Variants in TBC1D10A observed in about 807,000 individuals in gnomAD.
TBC1D10A encodes EBP50-PDX interactor of 64 kDa.
A neutral mutation model predicts 52.9 loss-of-function variants in TBC1D10A; 24 were observed. The ratio of observed to expected loss-of-function variants is 0.45; its 90% CI spans 0.33 to 0.64. TBC1D10A has a LOEUF of 0.64. Among genes scored for constraint, TBC1D10A ranks in the 30% least tolerant of loss-of-function variants. The probability of loss-of-function intolerance (pLI) is 0.02; values close to 1 mark genes in which losing one functional copy is unlikely to be tolerated. For synonymous variants in TBC1D10A, 278 were observed against 282.9 expected (o/e 0.98, Z 0.17); for missense variants, 602 against 687.9 (o/e 0.88, Z 1.40).
chr22:30,307,505 C>G (rs1930332753), intron 1 of TBC1D10A, among the ~76,000 whole-genome samples: 1 of 152,168 alleles, frequency 6.6e-6, no homozygotes, highest in Non-Finnish European at 1.5e-5. Flanking sequence ...ACCGTAATCT[C>G]AACACCGCTT....
rs1430920653 is a variant in TBC1D10A at position 30,299,570 on chromosome 22, G to A, written c.310-19C>T. On this transcript the variant is annotated intron_variant, in intron 2 of 8. Transcript: ENST00000215790. Reference sequence around the variant, plus strand: ...GACGAATCTGAAAATCAAAAGGACAGCTGAGCCCATGCAGCCACCCAGGCA... The same window carrying A: ...GACGAATCTGAAAATCAAAAGGACAACTGAGCCCATGCAGCCACCCAGGCA... The A allele has an allele frequency of 6.2e-7, 1 of 1,612,562 alleles. No homozygotes were observed. Among genetic ancestry groups the A allele is most frequent in the African/African-American group, 1.3e-5 (1 of 74,910 alleles).
In TBC1D10A at chr22:30,295,047, T is replaced by C. The variant is rs747230256; in HGVS notation, c.533A>G (p.Asp178Gly). 1 of 1,613,818 alleles carries C rather than the reference T, an allele frequency of 6.2e-7. No homozygotes were observed. The highest frequency in any genetic ancestry group is 1.1e-5 in the South Asian group (1 of 91,068). ...FVSRGGHGQQ[D>G]LFRVLKAYTL... Reference sequence around the variant, plus strand: ...GTAGGCCTTCAGCACACGGAATAGGTCCTGCTGGCTGTGGAGAGGCCGGGC... The same window carrying C: ...GTAGGCCTTCAGCACACGGAATAGGCCCTGCTGGCTGTGGAGAGGCCGGGC... The change falls in exon 5 of 9, where the codon GAC becomes GGC. Residue 178 changes from aspartate (D) to glycine (G), a missense_variant. By Grantham distance (94) the Asp-to-Gly change is moderately conservative (BLOSUM62 -1). This residue lies in a region of TBC1D10A where 136 missense variants were observed against 208.4 expected (regional missense o/e 0.65). Coordinates refer to ENST00000215790, the MANE Select transcript of TBC1D10A (RefSeq NM_031937.3).
intron 1 of TBC1D10A, among the ~76,000 whole-genome samples, chr22:30,309,978 T>TCA (rs1017620434): frequency 2.6e-5 from 4 of 152,118 alleles, no homozygotes; most frequent in Non-Finnish European, 4.4e-5. Context: ...CCTCCAAGCC[T>TCA]CACTCCCTGA....
Position 30,303,338 on chromosome 22 carries a change from C to CAGAT in TBC1D10A, c.309+1189_309+1192dup, listed in dbSNP as rs564025493. Among the ~76,000 whole-genome samples, 121 of 149,746 alleles carry CAGAT rather than the reference C, an allele frequency of 8.1e-4. 1 individual carries two copies. In the East Asian group the frequency reaches 0.015, roughly 19 times the overall value. ...ACAGACAGACAGACAGACAGACAGA[C>CAGAT]AGATAGATAGACAGATAGCTATAGA... On this transcript the variant is annotated intron_variant, in intron 2 of 8. Coordinates refer to ENST00000215790, the MANE Select transcript of TBC1D10A (RefSeq NM_031937.3).
Position 30,292,489 on chromosome 22 carries a change from CG to C in TBC1D10A, c.1412del (p.Pro471ArgfsTer28). On this transcript the variant is annotated frameshift_variant, in exon 9 of 9. Coordinates refer to ENST00000215790, the MANE Select transcript of TBC1D10A (RefSeq NM_031937.3). LOFTEE classifies it high-confidence loss of function. Reference protein sequence around the residue: ...GDACPPQHVPPKDSAPKDSAP... With the variant: ...GDACPPQHVPXKDSAPKDSAP... Reference sequence around the variant, plus strand: ...CTGAGTCCTTGGGGGCTGAGTCCTTCGGGGGCACATGCTGTGGGGGACATGC... The same window carrying C: ...CTGAGTCCTTGGGGGCTGAGTCCTTCGGGGCACATGCTGTGGGGGACATGC... 6.2e-7 allele frequency: 1 copy of C among 1,607,484 alleles called. No homozygotes were observed.
In TBC1D10A at chr22:30,293,903, C is replaced by G. The variant is rs141575157; in HGVS notation, c.895+18G>C. ...GCTGCTGGGGACAGGGGTGCTCCCC[C>G]CAAGCCCAGCCCAGTACCTTCACAG... On this transcript the variant is annotated intron_variant, in intron 7 of 8. Transcript: ENST00000215790. The G allele has an allele frequency of 5.9e-4, 946 of 1,608,032 alleles. 3 individuals carry two copies. In the African/African-American group the frequency reaches 9.8e-3, roughly 17 times the overall value.
rs530246728 is a variant in TBC1D10A, at chr22:30,295,819, G to A, written c.442C>T (p.Pro148Ser). ...FDELDMSPGD[P>S]KWLDVIERDL... is the part of the protein sequence containing the mutation. ...CGCTCAATCACGTCCAGCCACTTGG[G>A]GTCCCCAGGGGACATGTCCAGCTCC... The change falls in exon 4 of 9, where the codon CCC becomes TCC. Residue 148 changes from proline to serine, a missense_variant. Around this residue, in one of 3 missense-constraint regions of TBC1D10A, gnomAD observed 201 missense variants for 204.4 expected, o/e 0.98. Transcript: ENST00000215790. 4.0e-5 allele frequency: 65 copies of A among 1,613,712 alleles called. No individual in the cohort carries two copies. The highest frequency in any genetic ancestry group is 4.9e-5 in the Non-Finnish European group (58 of 1,179,972).
Position 30,292,172 on chromosome 22 carries a change from G to A in TBC1D10A, c.*203C>T, listed in dbSNP as rs2145758790. The A allele has an allele frequency of 2.0e-6, 1 of 512,414 alleles. No individual in the cohort carries two copies. Among genetic ancestry groups the A allele is most frequent in the East Asian group, 3.1e-5 (1 of 31,760 alleles). 31.7% of individuals were successfully genotyped at this position (512,414 alleles called of 1,614,324 possible). A position where few individuals can be genotyped will look rare whatever the true frequency, so the allele number is the denominator to read the frequency against. On this transcript the variant is annotated 3_prime_UTR_variant, in exon 9 of 9. Coordinates refer to ENST00000215790, the MANE Select transcript of TBC1D10A (RefSeq NM_031937.3). ...GCCTGCCCTGGCTGGGCCAGCCTGA[G>A]TGCCACTGTAAAGAAAATAAATAAG...
At chr22:30,318,685 T>C (rs1307052063) in intron 1 of TBC1D10A, 2 of 471,082 alleles carry the variant, frequency 4.2e-6, no homozygotes, top group African/African-American at 2.0e-5. Context: ...ATGGCAGTCA[T>C]GAACCAAGCA....
chr22:30,295,785 T>C lies in TBC1D10A; in HGVS notation c.476A>G (p.His159Arg), dbSNP rs1930067036. 1 of 1,613,870 alleles carries C rather than the reference T, an allele frequency of 6.2e-7. No individual in the cohort carries two copies. The highest frequency in any genetic ancestry group is 1.3e-5 in the African/African-American group (1 of 74,908). The change falls in exon 4 of 9, where the codon CAC (histidine) becomes CGC (arginine). Residue 159 changes from histidine to arginine, a missense_variant. Physicochemically the swap from His to Arg is conservative, Grantham distance 29. Around this residue, in one of 3 missense-constraint regions of TBC1D10A, gnomAD observed 136 missense variants for 208.4 expected, o/e 0.65. Transcript: ENST00000215790. ...CATCTCATGGAATGGGAACTGCCGG[T>C]GCAGGTCACGCTCAATCACGTCCAG... The part of the protein sequence containing the change: ...KWLDVIERDL[H>R]RQFPFHEMFV...
At chr22:30,311,388 C>T (rs1930422350) in intron 1 of TBC1D10A, among the ~76,000 whole-genome samples, 1 of 152,206 alleles carries the variant, frequency 6.6e-6, no homozygotes, top group Non-Finnish European at 1.5e-5. Context: ...CTGGCACTCC[C>T]TTCTGGGGCC....
In TBC1D10A at chr22:30,292,703, G is replaced by A. The variant is rs1216858952; in HGVS notation, c.1199C>T (p.Pro400Leu). 2 of 1,608,342 alleles carry A rather than the reference G, an allele frequency of 1.2e-6. No homozygotes were observed. Among genetic ancestry groups the A allele is most frequent in the Non-Finnish European group, 1.7e-6 (2 of 1,176,910 alleles). ...AKAILDAEPG[P>L]RPALQPSPSI... ...TGGTGAAGGTTGTAGGGCAGGCCGG[G>A]GACCAGGTTCTGCATCCAAGATAGC... The change falls in exon 9 of 9, where the codon CCC (proline) becomes CTC (leucine). Residue 400 changes from proline to leucine, a missense_variant. This residue lies in a region of TBC1D10A where 265 missense variants were observed against 275.1 expected (regional missense o/e 0.96). Transcript: ENST00000215790.
At chr22:30,299,136 C>T in intron 3 of TBC1D10A, 1 of 280,226 alleles carries the variant, frequency 3.6e-6, no homozygotes, top group Non-Finnish European at 6.8e-6. Context: ...AGGTAGCCTA[C>T]TGAGCCCAGG....
At chr22:30,299,279 C>T (rs1047754809) in intron 3 of TBC1D10A, 165 bp downstream of exon 3, 2 of 647,570 alleles carry the variant, frequency 3.1e-6, no homozygotes, top group South Asian at 1.9e-5. Flanking sequence ...GTACCCAGGA[C>T]TGGGCCGGTC....
intron 6 of TBC1D10A, 116 bp from the exon 7 acceptor site, chr22:30,294,226 A>C: frequency 8.5e-7 from 1 of 1,171,272 alleles, no homozygotes; most frequent in South Asian, 1.4e-5. Context: ...TACCGCCTGC[A>C]GGGTGTCTGC....
In TBC1D10A at chr22:30,292,128, C is replaced by G; in HGVS notation, c.*247G>C. ...AGGAGGGGGCTGAAGGAGGCCCCAC[C>G]CCCCAGGCCCTAGCTTCTGCCTGCC... On this transcript the variant is annotated 3_prime_UTR_variant, in exon 9 of 9. Coordinates refer to ENST00000215790, the MANE Select transcript of TBC1D10A (RefSeq NM_031937.3). 2.4e-6 allele frequency: 1 copy of G among 421,742 alleles called. No homozygotes were observed. Among genetic ancestry groups the G allele is most frequent in the South Asian group, 6.8e-5 (1 of 14,672 alleles). 26.1% of individuals were successfully genotyped at this position (421,742 alleles called of 1,614,324 possible). A position where few individuals can be genotyped will look rare whatever the true frequency, so the allele number is the denominator to read the frequency against.
In TBC1D10A at chr22:30,300,422, C is replaced by T. The variant is rs748330130; in HGVS notation, c.310-871G>A. 3 of 148,776 alleles carry T rather than the reference C, an allele frequency of 2.0e-5. No homozygotes were observed. The Admixed American group carries it at 2.0e-4, about 10-fold the overall frequency. 9.2% of individuals were successfully genotyped at this position (148,776 alleles called of 1,614,324 possible). On this transcript the variant is annotated intron_variant, in intron 2 of 8. Transcript: ENST00000215790. ...TAAGATCGTGCCACTGCACTCCAGC[C>T]GGGGCGACAGACCGAGACTCTGTTT... is the stretch of plus-strand genomic sequence containing the variant.
rs755058732 is a variant in TBC1D10A, at chr22:30,293,902, C to A, written c.895+19G>T. On this transcript the variant is annotated intron_variant, in intron 7 of 8. Coordinates refer to ENST00000215790, the MANE Select transcript of TBC1D10A (RefSeq NM_031937.3). ...GGCTGCTGGGGACAGGGGTGCTCCC[C>A]CCAAGCCCAGCCCAGTACCTTCACA... 1.9e-6 allele frequency: 3 copies of A among 1,608,014 alleles called. 1 individual carries two copies. The South Asian group carries it at 3.3e-5, about 18-fold the overall frequency.
At chr22:30,295,688 A>C in intron 4 of TBC1D10A, 49 bp downstream of exon 4, 1 of 1,587,808 alleles carries the variant, frequency 6.3e-7, no homozygotes, top group South Asian at 1.1e-5. Context: ...GACCCCTTAG[A>C]GACAGGCCCT....
Sources: allele counts gnomAD v4.1 joint callset (sites outside exome capture counted in the v4.1 genomes callset), GRCh38; gene constraint gnomAD v4.1.1; regional missense constraint gnomAD v4.1.1; transcripts MANE v1.5; gene names NCBI Gene and HGNC (gene_info 2026-07-23, HGNC 2026-07-21).